ASF1B: variants seen among roughly 807,000 people sequenced by gnomAD.
The protein encoded by ASF1B is histone chaperone ASF1B.
ASF1B carries 10 observed loss-of-function variants against 16.6 expected under a neutral mutation model. That is an observed-to-expected ratio of 0.60 (90% confidence interval 0.37 to 1.02). The LOEUF (loss-of-function observed/expected upper bound fraction) is 1.02, where lower values mean the gene tolerates loss of function less well. Ranked by LOEUF, ASF1B falls within the 50% of genes least tolerant of loss-of-function variation. The pLI, the probability that ASF1B is intolerant of heterozygous loss-of-function variation, is 0.01. For synonymous variants in ASF1B, 101 were observed against 106.2 expected (o/e 0.95, Z 0.30); for missense variants, 240 against 266.0 (o/e 0.90, Z 0.68).
intron 1 of ASF1B, among the ~76,000 whole-genome samples, chr19:14,129,672 C>G (rs1967368797): frequency 1.1e-5 from 1 of 95,082 alleles, no homozygotes; most frequent in South Asian, 4.1e-4. Flanking sequence ...CAGAGCCAGC[C>G]TCCGTCAAAA....
At chr19:14,130,152 G>A (rs1051461103) in intron 1 of ASF1B, among the ~76,000 whole-genome samples, 5 of 151,684 alleles carry the variant, frequency 3.3e-5, no homozygotes, top group African/African-American at 9.7e-5. Context: ...TCCGCCTCCC[G>A]GGTTCATGCC....
chr19:14,124,920 T>G (rs536386347), intron 2 of ASF1B, among the ~76,000 whole-genome samples: 2 of 152,208 alleles, frequency 1.3e-5, no homozygotes, highest in African/African-American at 2.4e-5. Flanking sequence ...ATAGTGCTGT[T>G]GGCTGTGAAT....
chr19:14,126,638 A>G (rs754036220), intron 1 of ASF1B, among the ~76,000 whole-genome samples: 3 of 152,038 alleles, frequency 2.0e-5, no homozygotes, highest in Non-Finnish European at 4.4e-5. Context: ...TGGCTGGCTA[A>G]TTTTTTTATT....
chr19:14,130,207 C>T (rs1165524535), intron 1 of ASF1B, among the ~76,000 whole-genome samples: 5 of 151,570 alleles, frequency 3.3e-5, no homozygotes, highest in African/African-American at 4.8e-5. Flanking sequence ...TACAGGCACC[C>T]CCCACCACGC....
At chr19:14,133,470 C>T (rs1424227925) in intron 1 of ASF1B, among the ~76,000 whole-genome samples, 1 of 152,052 alleles carries the variant, frequency 6.6e-6, no homozygotes, top group East Asian at 1.9e-4. Context: ...GAGTTCAAGA[C>T]CAGCCTGGCC....
Position 14,133,527 on chromosome 19 carries a change from G to A in ASF1B, c.109+2821C>T, listed in dbSNP as rs865790214. On this transcript the variant is annotated intron_variant, in intron 1 of 3. Coordinates refer to ENST00000263382, the MANE Select transcript of ASF1B (RefSeq NM_018154.3). ...TACTAAAAATACAAAAATTAGCCAG[G>A]CGTCATAGCAGGCACCTGTAATCCC... Among the ~76,000 whole-genome samples the A allele has an allele frequency of 6.6e-5, 10 of 152,074 alleles. No individual in the cohort carries two copies. In the South Asian group the frequency reaches 1.9e-3, roughly 28 times the overall value.
rs1267455151 is a variant in ASF1B at position 14,129,356 on chromosome 19, C to T, written c.110-3119G>A. 4.6e-5 allele frequency among the ~76,000 whole-genome samples: 7 copies of T among 152,024 alleles called. No individual in the cohort carries two copies. In the East Asian group the frequency reaches 9.6e-4, roughly 21 times the overall value. The stretch of plus-strand genomic sequence containing the variant: ...GGAAAGAAACTGGAGAATTAACTAA[C>T]GGCTGTAGAGAAATACTGACTCAAG... On this transcript the variant is annotated intron_variant, in intron 1 of 3. Transcript: ENST00000263382.
Position 14,136,512 on chromosome 19 carries a change from G to T in ASF1B, c.-56C>A. 1 of 1,538,820 alleles carries T rather than the reference G, an allele frequency of 6.5e-7. No homozygotes were observed. The highest frequency in any genetic ancestry group is 8.9e-7 in the Non-Finnish European group (1 of 1,124,046). ...AGGGGCTGTGGCTGTGGCGGAGGCC[G>T]CGCCTGGGTCCGGTGGGGTCAGTGG... On this transcript the variant is annotated 5_prime_UTR_variant, in exon 1 of 4. Coordinates refer to ENST00000263382, the MANE Select transcript of ASF1B (RefSeq NM_018154.3).
intron 1 of ASF1B, among the ~76,000 whole-genome samples, chr19:14,130,244 G>A (rs1035101712): frequency 6.6e-6 from 1 of 151,584 alleles, no homozygotes; most frequent in African/African-American, 2.4e-5. Context: ...TCTATTTTTA[G>A]TAGAGACGGG....
Position 14,136,537 on chromosome 19 carries a change from G to A in ASF1B, c.-81C>T. 1 of 1,218,024 alleles carries A rather than the reference G, an allele frequency of 8.2e-7. No individual in the cohort carries two copies. Among genetic ancestry groups the A allele is most frequent in the South Asian group, 1.4e-5 (1 of 73,798 alleles). The allele number at this position is 1,218,024 out of a possible 1,614,324, so 75.5% of individuals were successfully genotyped here. On this transcript the variant is annotated 5_prime_UTR_variant, in exon 1 of 4. Coordinates refer to ENST00000263382, the MANE Select transcript of ASF1B (RefSeq NM_018154.3). ...GCGCCTGGGTCCGGTGGGGTCAGTG[G>A]GGTAGGGCTGACCAGGTCCACTCCC... is the stretch of plus-strand genomic sequence containing the variant.
chr19:14,121,217 C>T (rs1967231011), intron 3 of ASF1B: 1 of 437,396 alleles, frequency 2.3e-6, no homozygotes, highest in Non-Finnish European at 4.0e-6. Flanking sequence ...AACTCCTGGG[C>T]TCAAGCGATC....
At position 14,128,445 on chromosome 19, in the gene ASF1B, G is replaced by A. The variant is rs187112065; in HGVS notation, c.110-2208C>T. Reference sequence around the variant, plus strand: ...CCATTGAACTCACAGGTGTTTGGTCGAACTAGCCTCTTACTATTTGCAGGG... The same window carrying A: ...CCATTGAACTCACAGGTGTTTGGTCAAACTAGCCTCTTACTATTTGCAGGG... On this transcript the variant is annotated intron_variant, in intron 1 of 3. Coordinates refer to ENST00000263382, the MANE Select transcript of ASF1B (RefSeq NM_018154.3). 2.7e-4 allele frequency among the ~76,000 whole-genome samples: 41 copies of A among 152,256 alleles called. No individual in the cohort carries two copies. In the South Asian group the frequency reaches 7.7e-3, roughly 29 times the overall value.
At chr19:14,133,797 ATTTTTTTTT>A (rs34122923) in intron 1 of ASF1B, among the ~76,000 whole-genome samples, 2 of 98,892 alleles carry the variant, frequency 2.0e-5, no homozygotes, top group African/African-American at 4.1e-5. Flanking sequence ...CCGCACAACC[ATTTTTTTTT>A]TTTTTTTTTT....
At position 14,132,119 on chromosome 19, in the gene ASF1B, C is replaced by G. The variant is rs1013962623; in HGVS notation, c.109+4229G>C. 2.0e-5 allele frequency among the ~76,000 whole-genome samples: 3 copies of G among 151,266 alleles called. No individual in the cohort carries two copies. In the East Asian group the frequency reaches 5.8e-4, roughly 29 times the overall value. On this transcript the variant is annotated intron_variant, in intron 1 of 3. Transcript: ENST00000263382. ...CATGGCTCACTGCAGCCCTGACCTC[C>G]TGGGCTCATGCAATCCTCCCACTTC... is the stretch of plus-strand genomic sequence containing the variant.
chr19:14,121,138 T>A, intron 3 of ASF1B: 2 of 293,196 alleles, frequency 6.8e-6, no homozygotes, highest in Non-Finnish European at 6.2e-6. Context: ...TTTTTTTTTT[T>A]AAGGGACAGT....
rs2144506690 is a variant in ASF1B at position 14,120,393 on chromosome 19, C to T, written c.*66G>A. ...GCCCCCAAAGTCCTCTAGATGGGCCCTGCAGGACTCGCTGGGAGGCCTGGT... is the reference window on the plus strand; with the variant it reads ...GCCCCCAAAGTCCTCTAGATGGGCCTTGCAGGACTCGCTGGGAGGCCTGGT... On this transcript the variant is annotated 3_prime_UTR_variant, in exon 4 of 4. Coordinates refer to ENST00000263382, the MANE Select transcript of ASF1B (RefSeq NM_018154.3). 2.6e-6 allele frequency: 4 copies of T among 1,537,106 alleles called. No homozygotes were observed. The Admixed American group carries it at 7.3e-5, about 28-fold the overall frequency.
At position 14,129,708 on chromosome 19, in the gene ASF1B, A is replaced by AAAG. The variant is rs1306555950; in HGVS notation, c.110-3474_110-3472dup. Among the ~76,000 whole-genome samples the AAAG allele has an allele frequency of 4.0e-3, 544 of 137,610 alleles. 24 individuals carry two copies. Among genetic ancestry groups the AAAG allele is most frequent in the African/African-American group, 0.014 (462 of 34,100 alleles). The allele number at this position is 137,610 out of a possible 152,430, so 90.3% of individuals were successfully genotyped here. On this transcript the variant is annotated intron_variant, in intron 1 of 3. Coordinates refer to ENST00000263382, the MANE Select transcript of ASF1B (RefSeq NM_018154.3). ...AAAAAAAAAAAAAAAAAAAAAAAAAAAAGAAGAAAGAAGGAAAGAAAGGAA... is the reference window on the plus strand; with the variant it reads ...AAAAAAAAAAAAAAAAAAAAAAAAAAAAGAAGAAGAAAGAAGGAAAGAAAGGAA...
chr19:14,131,786 CTTTG>C (rs920417456), intron 1 of ASF1B, among the ~76,000 whole-genome samples: 4 of 152,088 alleles, frequency 2.6e-5, no homozygotes, highest in African/African-American at 4.8e-5. Context: ...GCCAGGCCTC[CTTTG>C]TTTGTTTGCT....
intron 1 of ASF1B, among the ~76,000 whole-genome samples, chr19:14,129,154 TAAG>T (rs772837854): frequency 2.0e-5 from 3 of 151,950 alleles, no homozygotes; most frequent in Non-Finnish European, 4.4e-5. Context: ...TGCGGGAGGC[TAAG>T]GTTGGAGGAT....
Sources: allele counts gnomAD v4.1 joint callset (sites outside exome capture counted in the v4.1 genomes callset), GRCh38; gene constraint gnomAD v4.1.1; transcripts MANE v1.5; gene names NCBI Gene and HGNC (gene_info 2026-07-23, HGNC 2026-07-21).